PRKAG2: variants seen among roughly 807,000 people sequenced by gnomAD.
The protein encoded by PRKAG2 is protein kinase AMP-activated non-catalytic subunit gamma 2, also known as 5'-AMP-activated protein kinase subunit gamma-2.
PRKAG2 carries 26 observed loss-of-function variants against 69.6 expected under a neutral mutation model. The ratio of observed to expected loss-of-function variants is 0.37; its 90% CI spans 0.27 to 0.52. The LOEUF (loss-of-function observed/expected upper bound fraction) is 0.52. PRKAG2 is among the 20% of genes least tolerant of loss of function. PRKAG2 has a pLI of 0.90. For missense variants in PRKAG2, 557 were observed against 740.0 expected (o/e 0.75, Z 2.87); for synonymous variants, 293 against 285.0 (o/e 1.03, Z -0.28).
At chr7:151,816,347 C>T (rs529783159) in intron 1 of PRKAG2, among the ~76,000 whole-genome samples, 10 of 151,680 alleles carry the variant, frequency 6.6e-5, no homozygotes, top group South Asian at 4.2e-4. Flanking sequence ...TTTTTTTGTC[C>T]GTAGAATGAG....
intron 1 of PRKAG2, among the ~76,000 whole-genome samples, chr7:151,863,389 C>T (rs111911974): frequency 6.6e-6 from 1 of 152,054 alleles, no homozygotes; most frequent in East Asian, 1.9e-4. Context: ...AGCCCTTTGC[C>T]TCAATCTGGG....
chr7:151,868,236 A>G (rs1330012399), intron 1 of PRKAG2, among the ~76,000 whole-genome samples: 2 of 152,240 alleles, frequency 1.3e-5, no homozygotes, highest in African/African-American at 4.8e-5. Flanking sequence ...AGTGGAAGAA[A>G]GAGATGAGTG....
intron 3 of PRKAG2, among the ~76,000 whole-genome samples, chr7:151,729,176 C>T (rs11760870): frequency 0.13 from 7,013 of 55,356 alleles, 185 homozygotes; most frequent in South Asian, 0.2. Flanking sequence ...CAGGGGGTGG[C>T]GGGCGGGCCT....
chr7:151,875,562 G>GGGGTGTGTGTGTGT (rs1158947028), intron 1 of PRKAG2, among the ~76,000 whole-genome samples: 1 of 131,344 alleles, frequency 7.6e-6, no homozygotes, highest in Non-Finnish European at 1.6e-5. Flanking sequence ...GGAGCACTCT[G>GGGGTGTGTGTGTGT]GTGTGTGTGT....
rs971190737 is a variant in PRKAG2, at chr7:151,756,111, G to A, written c.466+25041C>T. Among the ~76,000 whole-genome samples, 3 of 152,056 alleles carry A rather than the reference G, an allele frequency of 2.0e-5. No homozygotes were observed. Among genetic ancestry groups the A allele is most frequent in the Non-Finnish European group, 2.9e-5 (2 of 68,010 alleles). On this transcript the variant is annotated intron_variant, in intron 3 of 15. Coordinates refer to ENST00000287878, the MANE Select transcript of PRKAG2 (RefSeq NM_016203.4). The surrounding 1 kb of genome is among the most constrained non-coding windows in gnomAD (Gnocchi z 4.9). The stretch of plus-strand genomic sequence containing the variant: ...CTCCCCCTGGACCACCAGTGATGCC[G>A]GCAGCCACAGGTCCCTCTGCCCCCA...
rs548168510 is a variant in PRKAG2, at chr7:151,578,098, T to TG, written c.865-1647dup. On this transcript the variant is annotated intron_variant, in intron 6 of 15. Transcript: ENST00000287878. ...GCCCACGCCTGTAATCCTAGCACTC[T>TG]GGGAGGCCCCCCGAGATGGGCAGAT... Among the ~76,000 whole-genome samples the TG allele has an allele frequency of 1.1e-3, 170 of 152,018 alleles. 1 individual carries two copies. The highest frequency in any genetic ancestry group is 2.1e-3 in the Non-Finnish European group (144 of 67,974).
intron 5 of PRKAG2, among the ~76,000 whole-genome samples, chr7:151,615,778 A>G (rs1819978108): frequency 6.6e-6 from 1 of 152,250 alleles, no homozygotes; most frequent in South Asian, 2.1e-4. Context: ...ATTTTTCAAA[A>G]GAAGACATAC....
At chr7:151,697,582 A>T (rs557096344) in intron 3 of PRKAG2, among the ~76,000 whole-genome samples, 1 of 152,288 alleles carries the variant, frequency 6.6e-6, no homozygotes, top group Admixed American at 6.5e-5. Context: ...AACCCTCATA[A>T]GGTCCACACA....
chr7:151,643,551 T>G (rs1434540174), intron 4 of PRKAG2, among the ~76,000 whole-genome samples: 1 of 152,220 alleles, frequency 6.6e-6, no homozygotes, highest in African/African-American at 2.4e-5. Flanking sequence ...AGTTCTGCTC[T>G]ACATAACGTG....
intron 3 of PRKAG2, among the ~76,000 whole-genome samples, chr7:151,731,586 G>C (rs1032613093): frequency 6.6e-6 from 1 of 152,010 alleles, no homozygotes; most frequent in African/African-American, 2.4e-5. Context: ...TTGACCCGGG[G>C]AACTGCAGGG....
intron 15 of PRKAG2, chr7:151,559,452 T>C (rs1228153466): frequency 2.0e-6 from 2 of 985,212 alleles, no homozygotes; most frequent in African/African-American, 3.5e-5. Context: ...TCTGATTCAG[T>C]GGATATGGGA....
Position 151,632,369 on chromosome 7 carries a change from C to G in PRKAG2, c.685-231G>C, listed in dbSNP as rs1262685556. The G allele has an allele frequency of 2.0e-6, 1 of 496,904 alleles. No homozygotes were observed. Among genetic ancestry groups the G allele is most frequent in the Non-Finnish European group, 2.6e-6 (1 of 385,828 alleles). 30.8% of individuals were successfully genotyped at this position (496,904 alleles called of 1,614,324 possible). A position where few individuals can be genotyped will look rare whatever the true frequency, so the allele number is the denominator to read the frequency against. ...GCGCGGCCGCGGCCCGCGTGCCCCTCCGCGAGTGGGACGCGCCGCTCCCCC... is the reference window on the plus strand; with the variant it reads ...GCGCGGCCGCGGCCCGCGTGCCCCTGCGCGAGTGGGACGCGCCGCTCCCCC... On this transcript the variant is annotated intron_variant, in intron 4 of 15. Transcript: ENST00000287878. The surrounding 1 kb of genome is among the most constrained non-coding windows in gnomAD (Gnocchi z 4.2).
chr7:151,623,887 A>C (rs1377264060), intron 5 of PRKAG2, among the ~76,000 whole-genome samples: 1 of 152,266 alleles, frequency 6.6e-6, no homozygotes, highest in African/African-American at 2.4e-5. Context: ...AGGGTAAATA[A>C]GCGTCTTACA....
intron 3 of PRKAG2, among the ~76,000 whole-genome samples, chr7:151,754,197 A>G (rs1434049153): frequency 6.6e-6 from 1 of 152,206 alleles, no homozygotes; most frequent in Admixed American, 6.5e-5. Flanking sequence ...GCTTCTCCCA[A>G]ATAATAACAG....
chr7:151,708,083 T>C (rs1838930176), intron 3 of PRKAG2, among the ~76,000 whole-genome samples: 1 of 152,138 alleles, frequency 6.6e-6, no homozygotes, highest in South Asian at 2.1e-4. Context: ...CGTTGAAAGC[T>C]GGGGAAATGG....
intron 5 of PRKAG2, among the ~76,000 whole-genome samples, chr7:151,603,994 C>A (rs539227580): frequency 1.3e-3 from 199 of 152,292 alleles, no homozygotes; most frequent in African/African-American, 4.6e-3. Context: ...GAGGCTGTGC[C>A]CCAGCCAGTC....
At chr7:151,598,675 T>C (rs1396164003) in intron 5 of PRKAG2, among the ~76,000 whole-genome samples, 1 of 152,214 alleles carries the variant, frequency 6.6e-6, no homozygotes, top group Non-Finnish European at 1.5e-5. Context: ...AACTCATTGT[T>C]AGCAGACAGA....
At chr7:151,849,533 G>A (rs564318773) in intron 1 of PRKAG2, among the ~76,000 whole-genome samples, 3 of 152,176 alleles carry the variant, frequency 2.0e-5, no homozygotes, top group Non-Finnish European at 4.4e-5. Flanking sequence ...ATACACACAC[G>A]GGGTCTTAGA....
intron 5 of PRKAG2, among the ~76,000 whole-genome samples, chr7:151,602,118 C>T (rs746507103): frequency 6.6e-6 from 1 of 152,254 alleles, no homozygotes; most frequent in South Asian, 2.1e-4. Flanking sequence ...ACGCTCCTCG[C>T]GCAGCCGCAT....
Sources: allele counts gnomAD v4.1 joint callset (sites outside exome capture counted in the v4.1 genomes callset), GRCh38; gene constraint gnomAD v4.1.1; non-coding constraint Gnocchi (gnomAD v3.1); transcripts MANE v1.5; gene names NCBI Gene and HGNC (gene_info 2026-07-23, HGNC 2026-07-21).